The following PUDP variants were observed in gnomAD, a reference collection of about 807,000 sequenced individuals.
PUDP encodes the protein pseudouridine-5'-phosphatase.
A neutral mutation model predicts 9.4 loss-of-function variants in PUDP; 8 were observed. That is an observed-to-expected ratio of 0.85 (90% confidence interval 0.50 to 1.53). The LOEUF is 1.53. PUDP is among the 40% of genes most tolerant of loss of function. The pLI is 0.00. For synonymous variants in PUDP, 99 were observed against 80.7 expected (o/e 1.23, Z -1.22); for missense variants, 188 against 189.7 (o/e 0.99, Z 0.05).
At chrX:6,787,050 A>G (rs1602618886) in intron 3 of PUDP, among the ~76,000 whole-genome samples, 2 of 106,324 alleles carry the variant, frequency 1.9e-5, no homozygotes, top group East Asian at 6.2e-4. Context: ...TGATTTATTA[A>G]TACATTGGAA....
chrX:7,144,188 C>T lies in PUDP; in HGVS notation c.61+3865G>A, dbSNP rs1932824918. The stretch of plus-strand genomic sequence containing the variant: ...TGTGCCAAAACTCTTAGAAATCCCA[C>T]TTGGAATGAATGACTTGATAACATC... On this transcript the variant is annotated intron_variant, in intron 1 of 3. Coordinates refer to ENST00000381077, the MANE Select transcript of PUDP (RefSeq NM_012080.5). Among the ~76,000 whole-genome samples, 2 of 111,754 alleles carry T rather than the reference C, an allele frequency of 1.8e-5. 1 individual carries two copies. The highest frequency in any genetic ancestry group is 5.6e-4 in the East Asian group (2 of 3,559).
chrX:7,059,958 A>T (rs993237791), intron 3 of PUDP, among the ~76,000 whole-genome samples: 1 of 112,143 alleles, frequency 8.9e-6, no homozygotes, highest in Non-Finnish European at 1.9e-5. Context: ...TAAGGAATTC[A>T]TTGGACCTGG....
intron 3 of PUDP, among the ~76,000 whole-genome samples, chrX:7,069,707 G>T (rs1311341314): frequency 1.8e-5 from 2 of 111,228 alleles, no homozygotes; most frequent in African/African-American, 6.5e-5. Context: ...CCTTCCAGAA[G>T]AATTCAGCCC....
At chrX:7,079,490 C>T (rs183202247) in intron 2 of PUDP, among the ~76,000 whole-genome samples, 1 of 112,752 alleles carries the variant, frequency 8.9e-6, no homozygotes, top group Admixed American at 9.3e-5. Context: ...TTATGTAATA[C>T]TTCTCCCAAC....
chrX:6,836,562 T>A (rs1398047418), intron 3 of PUDP, among the ~76,000 whole-genome samples: 1 of 112,418 alleles, frequency 8.9e-6, no homozygotes, highest in African/African-American at 3.2e-5. Context: ...GAATAAATTC[T>A]GCCAATCTTC....
intron 2 of PUDP, among the ~76,000 whole-genome samples, chrX:7,089,450 G>A (rs1374011900): frequency 9.0e-6 from 1 of 111,239 alleles, no homozygotes; most frequent in Non-Finnish European, 1.9e-5. Context: ...GTATAAACCT[G>A]TTTTCTGCCC....
intron 3 of PUDP, among the ~76,000 whole-genome samples, chrX:6,875,266 G>A (rs1054618080): frequency 9.1e-5 from 10 of 110,431 alleles, no homozygotes; most frequent in East Asian, 2.8e-4. Flanking sequence ...ACAAAGTCTC[G>A]GTACGTTGCC....
In PUDP at chrX:7,049,801, A is replaced by G. The variant is rs1313595245; in HGVS notation, c.*495T>C. 8.8e-6 allele frequency: 1 copy of G among 113,714 alleles called. No homozygotes were observed. Among genetic ancestry groups the G allele is most frequent in the East Asian group, 2.7e-4 (1 of 3,645 alleles). 9.4% of individuals were successfully genotyped at this position (113,714 alleles called of 1,213,427 possible). The stretch of plus-strand genomic sequence containing the variant: ...ATATGCATACATAAAGCATATACTT[A>G]TATGCATACACAGTTTACATTTCCC... On this transcript the variant is annotated 3_prime_UTR_variant, in exon 4 of 4. Transcript: ENST00000381077.
At chrX:6,749,791 CTAA>C (rs1925044132) in intron 3 of PUDP, among the ~76,000 whole-genome samples, 1 of 112,001 alleles carries the variant, frequency 8.9e-6, no homozygotes, top group African/African-American at 3.2e-5. Context: ...CGTTGAGTCA[CTAA>C]CAACCTCTCT....
At chrX:6,993,171 T>C (rs1474647465) in intron 1 of PUDP, among the ~76,000 whole-genome samples, 2 of 111,160 alleles carry the variant, frequency 1.8e-5, no homozygotes, top group African/African-American at 6.6e-5. Flanking sequence ...TGTGAGTCAA[T>C]ACTCCTTAAT....
In PUDP at chrX:6,899,855, A is replaced by T. The variant is rs11095246; in HGVS notation, c.*247+77278T>A. Among the ~76,000 whole-genome samples the T allele has an allele frequency of 8.1e-5, 9 of 110,478 alleles. No homozygotes were observed. The East Asian group carries it at 2.6e-3, about 32-fold the overall frequency. On this transcript the variant is annotated intron_variant and NMD_transcript_variant, in intron 3 of 3. Coordinates refer to the PUDP transcript ENST00000655425. ...GGATGAAAAATGTTTAAAGTCCCCA[A>T]ATATGAATCCCTCTCAAACTGCTAC...
chrX:7,017,234 C>G (rs1307585948), intron 1 of PUDP, among the ~76,000 whole-genome samples: 3 of 111,824 alleles, frequency 2.7e-5, no homozygotes, highest in Non-Finnish European at 3.8e-5. Flanking sequence ...ATCGAATGCA[C>G]CACATTCTTT....
chrX:7,015,895 C>T (rs1270051201), intron 1 of PUDP, among the ~76,000 whole-genome samples: 2 of 110,369 alleles, frequency 1.8e-5, no homozygotes, highest in Non-Finnish European at 3.8e-5. Flanking sequence ...TTCTGTATGG[C>T]CAGTTTTTAC....
intron 3 of PUDP, among the ~76,000 whole-genome samples, chrX:6,740,901 G>A (rs111520220): frequency 0.052 from 5,825 of 111,861 alleles, 185 homozygotes; most frequent in African/African-American, 0.086. Flanking sequence ...GCTCACGCCT[G>A]TAATCCCAGC....
intron 3 of PUDP, among the ~76,000 whole-genome samples, chrX:6,904,572 G>A (rs1309892722): frequency 1.8e-5 from 2 of 111,753 alleles, no homozygotes; most frequent in African/African-American, 3.3e-5. Context: ...AGAAGGATGA[G>A]GGAAGGAAGT....
intron 3 of PUDP, among the ~76,000 whole-genome samples, chrX:6,753,945 C>A (rs181311246): frequency 9.0e-6 from 1 of 111,667 alleles, no homozygotes; most frequent in African/African-American, 3.3e-5. Flanking sequence ...ACTCTGCTGG[C>A]GGTTCTTTTT....
At position 7,121,442 on chromosome X, in the gene PUDP, G is replaced by A. The variant is rs1218775125; in HGVS notation, c.62-15604C>T. ...TCTGGGGCACTGGTGAGCGCACAAAGTATGGCGCCATTCCTTCCCTGGAGC... is the reference window on the plus strand; with the variant it reads ...TCTGGGGCACTGGTGAGCGCACAAAATATGGCGCCATTCCTTCCCTGGAGC... On this transcript the variant is annotated intron_variant, in intron 1 of 3. Coordinates refer to ENST00000381077, the MANE Select transcript of PUDP (RefSeq NM_012080.5). Among the ~76,000 whole-genome samples, 3 of 111,952 alleles carry A rather than the reference G, an allele frequency of 2.7e-5. No homozygotes were observed. In the Admixed American group the frequency reaches 2.8e-4, roughly 11 times the overall value.
At chrX:7,089,605 A>G (rs1350533278) in intron 2 of PUDP, among the ~76,000 whole-genome samples, 1 of 111,111 alleles carries the variant, frequency 9.0e-6, no homozygotes, top group Non-Finnish European at 1.9e-5. Context: ...AATTCAACTT[A>G]CTACCTGTTT....
intron 1 of PUDP, among the ~76,000 whole-genome samples, chrX:7,134,129 A>T (rs1300730972): frequency 8.9e-6 from 1 of 112,345 alleles, no homozygotes; most frequent in Non-Finnish European, 1.9e-5. Flanking sequence ...CTAAATCAGT[A>T]CAGTAAGTAA....
Sources: allele counts gnomAD v4.1 joint callset (sites outside exome capture counted in the v4.1 genomes callset), GRCh38; gene constraint gnomAD v4.1.1; transcripts MANE v1.5; gene names NCBI Gene and HGNC (gene_info 2026-07-23, HGNC 2026-07-21).